The following TRIM2 variants were observed in gnomAD, a reference collection of about 807,000 sequenced individuals.
The protein encoded by TRIM2 is tripartite motif-containing protein 2.
In TRIM2, 20 loss-of-function variants were observed where a neutral mutation model predicts 75.2. The ratio of observed to expected loss-of-function variants is 0.27; its 90% CI spans 0.19 to 0.39. The LOEUF (loss-of-function observed/expected upper bound fraction) is 0.39. Ranked by LOEUF, TRIM2 falls within the 10% of genes least tolerant of loss-of-function variation. The pLI is 1.00. For synonymous variants in TRIM2, 373 were observed against 388.3 expected (o/e 0.96, Z 0.46); for missense variants, 660 against 990.8 (o/e 0.67, Z 4.48).
intron 1 of TRIM2, among the ~76,000 whole-genome samples, chr4:153,253,691 GC>G (rs775109546): frequency 1.3e-5 from 2 of 152,086 alleles, no homozygotes; most frequent in Non-Finnish European, 2.9e-5. Flanking sequence ...AAAGGAGCCG[GC>G]CCAAACCCAC....
In TRIM2 at chr4:153,338,831, T is replaced by G. The variant is rs1193568075; in HGVS notation, c.*3865T>G. ...TTTTGAAAGCAACACAGCCTTAAACTCAATGCTTTTGCTTTATGACATGGG... is the reference window on the plus strand; with the variant it reads ...TTTTGAAAGCAACACAGCCTTAAACGCAATGCTTTTGCTTTATGACATGGG... On this transcript the variant is annotated 3_prime_UTR_variant, in exon 12 of 12. Coordinates refer to ENST00000338700, the MANE Select transcript of TRIM2 (RefSeq NM_015271.5). 1 of 985,710 alleles carries G rather than the reference T, an allele frequency of 1.0e-6. No homozygotes were observed. Among genetic ancestry groups the G allele is most frequent in the Non-Finnish European group, 1.2e-6 (1 of 829,916 alleles). 61.1% of individuals were successfully genotyped at this position (985,710 alleles called of 1,614,324 possible). A position where few individuals can be genotyped will look rare whatever the true frequency, so the allele number is the denominator to read the frequency against.
intron 6 of TRIM2, among the ~76,000 whole-genome samples, chr4:153,296,265 CTCT>C (rs1762747435): frequency 6.6e-6 from 1 of 152,216 alleles, no homozygotes; most frequent in Admixed American, 6.5e-5. Context: ...TCCCTCCTTT[CTCT>C]TCTTCCTCTT....
intron 3 of TRIM2, among the ~76,000 whole-genome samples, chr4:153,292,202 T>A (rs1761962517): frequency 6.6e-6 from 1 of 152,232 alleles, no homozygotes; most frequent in Admixed American, 6.5e-5. Flanking sequence ...ATGTGATGTA[T>A]GCTATCACAA....
chr4:153,219,694 C>A (rs1194938418), intron 1 of TRIM2, among the ~76,000 whole-genome samples: 1 of 152,052 alleles, frequency 6.6e-6, no homozygotes, highest in Non-Finnish European at 1.5e-5. Flanking sequence ...AAAGTAAGAC[C>A]CTGTCTCCCT....
At chr4:153,235,975 G>A (rs12499760) in intron 1 of TRIM2, among the ~76,000 whole-genome samples, 9,665 of 152,080 alleles carry the variant, frequency 0.064, 420 homozygotes, top group Admixed American at 0.13. Flanking sequence ...GACATGTGTC[G>A]TGGGAGGGAT....
intron 1 of TRIM2, among the ~76,000 whole-genome samples, chr4:153,234,136 C>A (rs990360567): frequency 1.3e-5 from 2 of 152,176 alleles, no homozygotes; most frequent in Admixed American, 6.5e-5. Flanking sequence ...TGAGTCACTG[C>A]GGAAGAGCTA....
chr4:153,306,333 T>C (rs1482251439), intron 6 of TRIM2, among the ~76,000 whole-genome samples: 1 of 152,206 alleles, frequency 6.6e-6, no homozygotes, highest in Non-Finnish European at 1.5e-5. Context: ...TGGTAAGGAC[T>C]CAATAAATAT....
At chr4:153,207,538 T>C (rs780048459) in intron 1 of TRIM2, among the ~76,000 whole-genome samples, 3 of 152,220 alleles carry the variant, frequency 2.0e-5, no homozygotes, top group Non-Finnish European at 2.9e-5. Flanking sequence ...TCAAAGTTCC[T>C]TATACAGCAC....
intron 6 of TRIM2, among the ~76,000 whole-genome samples, chr4:153,311,566 C>A (rs1256558138): frequency 6.6e-6 from 1 of 151,948 alleles, no homozygotes; most frequent in Non-Finnish European, 1.5e-5. Context: ...TCTTTCCCTT[C>A]CTTGTATGCC....
chr4:153,269,806 T>C (rs888997325), intron 1 of TRIM2, among the ~76,000 whole-genome samples: 1 of 152,212 alleles, frequency 6.6e-6, no homozygotes, highest in African/African-American at 2.4e-5. Flanking sequence ...ATGTGAGGAT[T>C]TTATTGATTT....
Position 153,295,193 on chromosome 4 carries a change from C to A in TRIM2, c.787-120C>A, listed in dbSNP as rs1762530126. On this transcript the variant is annotated intron_variant, in intron 5 of 11. Transcript: ENST00000338700. This position sits in a 1 kb window ranked among gnomAD's most constrained non-coding sequence, Gnocchi z 7.2. ...GGGTTCCCTGGGTTGACAAACACCG[C>A]TTGCTCAGAGCCACCTGCGTGGGCA... 5 of 1,361,182 alleles carry A rather than the reference C, an allele frequency of 3.7e-6. No individual in the cohort carries two copies. The highest frequency in any genetic ancestry group is 2.6e-5 in the East Asian group (1 of 39,214). 84.3% of individuals were successfully genotyped at this position (1,361,182 alleles called of 1,614,324 possible). A position where few individuals can be genotyped will look rare whatever the true frequency, so the allele number is the denominator to read the frequency against.
At chr4:153,175,578 G>A (rs1168040107) in intron 1 of TRIM2, among the ~76,000 whole-genome samples, 4 of 152,114 alleles carry the variant, frequency 2.6e-5, no homozygotes, top group African/African-American at 7.2e-5. Context: ...GGAGGAAGGC[G>A]GATGGTGAAT....
At chr4:153,261,495 G>A (rs1753582746) in intron 1 of TRIM2, among the ~76,000 whole-genome samples, 1 of 152,114 alleles carries the variant, frequency 6.6e-6, no homozygotes, top group South Asian at 2.1e-4. Flanking sequence ...CAATAACGCA[G>A]GAATGCCATA....
chr4:153,217,455 G>A (rs1057107258), intron 1 of TRIM2, among the ~76,000 whole-genome samples: 1 of 152,218 alleles, frequency 6.6e-6, no homozygotes, highest in African/African-American at 2.4e-5. Flanking sequence ...AGGCAAGAAA[G>A]TGCAGGTCAG....
At chr4:153,221,912 AG>A (rs1740361718) in intron 1 of TRIM2, among the ~76,000 whole-genome samples, 2 of 43,692 alleles carry the variant, frequency 4.6e-5, no homozygotes, top group African/African-American at 1.3e-4. Context: ...GAAGGAAGGG[AG>A]GGAGGGAGAG....
chr4:153,315,665 A>T (rs1457202115), intron 7 of TRIM2, 77 bp downstream of exon 7: 1 of 1,439,092 alleles, frequency 6.9e-7, no homozygotes, highest in Non-Finnish European at 9.6e-7. Flanking sequence ...CCTACTTTAG[A>T]CTTCAGATAC....
chr4:153,189,317 G>T (rs1732945099), intron 1 of TRIM2, among the ~76,000 whole-genome samples: 1 of 152,214 alleles, frequency 6.6e-6, no homozygotes, highest in African/African-American at 2.4e-5. Flanking sequence ...GAGATTCAAG[G>T]GAGAGGAAAT....
chr4:153,259,117 T>C (rs954657489), intron 1 of TRIM2, among the ~76,000 whole-genome samples: 1 of 152,208 alleles, frequency 6.6e-6, no homozygotes, highest in African/African-American at 2.4e-5. Flanking sequence ...AAATTTTCTC[T>C]GATAGAACGT....
chr4:153,185,882 G>A lies in TRIM2; in HGVS notation c.-49+32612G>A, dbSNP rs568500761. On this transcript the variant is annotated intron_variant, in intron 1 of 11. Transcript: ENST00000437508. ...GGAGGAGTTTGATAAGAAAGACTGG[G>A]TTCAATTAGCAGCTGATTAGGAGAC... Among the ~76,000 whole-genome samples, 111 of 152,296 alleles carry A rather than the reference G, an allele frequency of 7.3e-4. 1 individual carries two copies. The highest frequency in any genetic ancestry group is 2.5e-3 in the African/African-American group (103 of 41,564).
Sources: allele counts gnomAD v4.1 joint callset (sites outside exome capture counted in the v4.1 genomes callset), GRCh38; gene constraint gnomAD v4.1.1; non-coding constraint Gnocchi (gnomAD v3.1); transcripts MANE v1.5; gene names NCBI Gene and HGNC (gene_info 2026-07-23, HGNC 2026-07-21).